The following ARHGAP26 variants were observed in gnomAD, a reference collection of about 807,000 sequenced individuals.
ARHGAP26 encodes the protein rho GTPase-activating protein 26.
In ARHGAP26, 38 loss-of-function variants were observed where a neutral mutation model predicts 104.8. The ratio of observed to expected loss-of-function variants is 0.36; its 90% CI spans 0.28 to 0.48. The LOEUF is 0.48. ARHGAP26 is among the 20% of genes least tolerant of loss of function. The probability of loss-of-function intolerance (pLI) is 0.99; values close to 1 mark genes in which losing one functional copy is unlikely to be tolerated. For synonymous variants in ARHGAP26, 341 were observed against 340.0 expected (o/e 1.00, Z -0.03); for missense variants, 704 against 947.9 (o/e 0.74, Z 3.38).
intron 20 of ARHGAP26, among the ~76,000 whole-genome samples, chr5:143,190,877 T>C (rs1334964729): frequency 6.6e-6 from 1 of 152,242 alleles, no homozygotes; most frequent in Admixed American, 6.5e-5. Context: ...TGACTACTTA[T>C]ACACGCCAGA....
intron 20 of ARHGAP26, among the ~76,000 whole-genome samples, chr5:143,183,669 G>A (rs144527723): frequency 6.6e-6 from 1 of 152,254 alleles, no homozygotes; most frequent in East Asian, 1.9e-4. Context: ...ATTCCCCCGG[G>A]GCCTCCTCGG....
intron 14 of ARHGAP26, among the ~76,000 whole-genome samples, chr5:143,053,515 G>A (rs1441075746): frequency 6.6e-6 from 1 of 152,164 alleles, no homozygotes; most frequent in Non-Finnish European, 1.5e-5. Flanking sequence ...GATCTGTGAA[G>A]CAATTACACT....
chr5:143,207,058 T>A, intron 20 of ARHGAP26, 140 bp from the exon 21 acceptor site: 1 of 935,878 alleles, frequency 1.1e-6, no homozygotes, highest in Non-Finnish European at 1.6e-6. Flanking sequence ...GAATGTGACA[T>A]GGCCCTGACA....
rs144829132 is a variant in ARHGAP26, at chr5:142,793,712, C to T, written c.154+22797C>T. The stretch of plus-strand genomic sequence containing the variant: ...AAGTGATTCTTGTGCCTCAGCTTCT[C>T]GAGTAGCTGGGATTACAGATGTGCG... On this transcript the variant is annotated intron_variant, in intron 1 of 22. Transcript: ENST00000645722. 5.3e-3 allele frequency among the ~76,000 whole-genome samples: 807 copies of T among 152,178 alleles called. 14 individuals carry two copies. The highest frequency in any genetic ancestry group is 0.018 in the African/African-American group (768 of 41,514).
chr5:143,173,454 C>T (rs1803060127), intron 20 of ARHGAP26, among the ~76,000 whole-genome samples: 3 of 152,148 alleles, frequency 2.0e-5, no homozygotes, highest in Admixed American at 6.5e-5. Context: ...TTTCAAGAGA[C>T]GTATTTTTAG....
At chr5:142,825,313 AG>A (rs1295756611) in intron 1 of ARHGAP26, among the ~76,000 whole-genome samples, 6 of 152,142 alleles carry the variant, frequency 3.9e-5, no homozygotes, top group Admixed American at 3.3e-4. Flanking sequence ...GTGGAGGAAG[AG>A]GGTAGTTGGG....
Position 142,822,293 on chromosome 5 carries a change from T to C in ARHGAP26, c.155-51107T>C, listed in dbSNP as rs549167834. Among the ~76,000 whole-genome samples the C allele has an allele frequency of 2.0e-4, 31 of 152,316 alleles. 1 individual carries two copies. In the South Asian group the frequency reaches 6.4e-3, roughly 32 times the overall value. On this transcript the variant is annotated intron_variant, in intron 1 of 22. Coordinates refer to ENST00000645722, the MANE Select transcript of ARHGAP26 (RefSeq NM_001135608.3). ...AGACTCACAGTTAATAAATGCAGCA[T>C]CTTTAGTTTTGTGATTATATGTTTT... is the stretch of plus-strand genomic sequence containing the variant.
At chr5:143,210,273 G>A (rs965218699) in intron 21 of ARHGAP26, among the ~76,000 whole-genome samples, 1 of 152,126 alleles carries the variant, frequency 6.6e-6, no homozygotes, top group Admixed American at 6.5e-5. Flanking sequence ...GAGAGTTTGT[G>A]CAGGGAAACT....
intron 18 of ARHGAP26, among the ~76,000 whole-genome samples, chr5:143,132,226 T>C: frequency 6.6e-6 from 1 of 152,058 alleles, no homozygotes; most frequent in South Asian, 2.1e-4. Context: ...CGCCAACCCA[T>C]GGAGAGCAGC....
intron 1 of ARHGAP26, among the ~76,000 whole-genome samples, chr5:142,781,696 A>G (rs968792289): frequency 1.3e-5 from 2 of 152,160 alleles, no homozygotes; most frequent in Non-Finnish European, 1.5e-5. Context: ...CTGATAAGTT[A>G]TAGAGTGGAA....
At chr5:142,998,826 G>A (rs1354567688) in intron 11 of ARHGAP26, among the ~76,000 whole-genome samples, 2 of 152,072 alleles carry the variant, frequency 1.3e-5, no homozygotes, top group Admixed American at 6.6e-5. Context: ...TGTGCAACAC[G>A]AGACGGTGAG....
rs1420408113 is a variant in ARHGAP26, at chr5:143,223,338, A to T, written c.*892A>T. 1 of 232,830 alleles carries T rather than the reference A, an allele frequency of 4.3e-6. No individual in the cohort carries two copies. Among genetic ancestry groups the T allele is most frequent in the African/African-American group, 2.2e-5 (1 of 45,282 alleles). The allele number at this position is 232,830 out of a possible 1,614,324, so 14.4% of individuals were successfully genotyped here. On this transcript the variant is annotated 3_prime_UTR_variant, in exon 23 of 23. Transcript: ENST00000645722. ...GAGGCAGATGGGATAGTAGCTGGGA[A>T]CTGTTCCCTTTCTGATTAATTTCAG...
intron 14 of ARHGAP26, among the ~76,000 whole-genome samples, chr5:143,050,376 G>A (rs1263877156): frequency 2.0e-5 from 3 of 150,252 alleles, no homozygotes; most frequent in Admixed American, 1.3e-4. Context: ...CACATTTAAA[G>A]CAAACTTAGT....
chr5:143,222,200 G>T (rs1169839499), intron 22 of ARHGAP26, among the ~76,000 whole-genome samples, 158 bp from the exon 23 acceptor site: 1 of 151,890 alleles, frequency 6.6e-6, no homozygotes. Context: ...CTTCTAGAAT[G>T]ATGTAACTTA....
intron 1 of ARHGAP26, among the ~76,000 whole-genome samples, chr5:142,854,404 T>C (rs1752014251): frequency 6.6e-6 from 1 of 152,240 alleles, no homozygotes; most frequent in African/African-American, 2.4e-5. Flanking sequence ...GTTGAGTGTC[T>C]GTCTCCAGTA....
At chr5:142,888,888 G>A (rs552064941) in intron 5 of ARHGAP26, among the ~76,000 whole-genome samples, 2 of 152,136 alleles carry the variant, frequency 1.3e-5, no homozygotes, top group South Asian at 4.1e-4. Context: ...TCCAAGAAAC[G>A]CAGAATGGTT....
At chr5:143,094,634 A>T (rs535030021) in intron 17 of ARHGAP26, among the ~76,000 whole-genome samples, 1 of 152,400 alleles carries the variant, frequency 6.6e-6, no homozygotes, top group South Asian at 2.1e-4. Flanking sequence ...AACAATGGTG[A>T]GCACACACTT....
intron 20 of ARHGAP26, among the ~76,000 whole-genome samples, chr5:143,157,789 G>T (rs1484503450): frequency 6.6e-6 from 1 of 152,172 alleles, no homozygotes; most frequent in East Asian, 1.9e-4. Flanking sequence ...ACTGAAATGG[G>T]TTATAGGGTT....
intron 20 of ARHGAP26, among the ~76,000 whole-genome samples, chr5:143,152,043 TAAG>T (rs1280688713): frequency 1.3e-5 from 2 of 152,128 alleles, no homozygotes; most frequent in South Asian, 2.1e-4. Context: ...ATGGAATCAA[TAAG>T]AAGATCAGTG....
Sources: allele counts gnomAD v4.1 joint callset (sites outside exome capture counted in the v4.1 genomes callset), GRCh38; gene constraint gnomAD v4.1.1; transcripts MANE v1.5; gene names NCBI Gene and HGNC (gene_info 2026-07-23, HGNC 2026-07-21).